The following MAML3 variants were observed in gnomAD, a reference collection of about 807,000 sequenced individuals.
MAML3 encodes the protein mastermind like transcriptional coactivator 3.
Under a neutral mutation model 101.9 loss-of-function variants are expected in MAML3, and 27 were observed. The observed-to-expected ratio is 0.27, with a 90% CI of 0.20 to 0.37. The LOEUF is 0.37. Ranked by LOEUF, MAML3 falls within the 10% of genes least tolerant of loss-of-function variation. The probability of loss-of-function intolerance (pLI) is 1.00; values close to 1 mark genes in which losing one functional copy is unlikely to be tolerated. For missense variants in MAML3, 1,316 were observed against 1,444.9 expected (o/e 0.91, Z 1.45); for synonymous variants, 501 against 555.9 (o/e 0.90, Z 1.39).
chr4:139,869,501 G>C (rs1426724226), intron 2 of MAML3, among the ~76,000 whole-genome samples: 1 of 152,182 alleles, frequency 6.6e-6, no homozygotes, highest in Non-Finnish European at 1.5e-5. Context: ...AGCTGGATAA[G>C]AGCTAAATAA....
In MAML3 at chr4:139,968,094, C is replaced by A. The variant is rs557792418; in HGVS notation, c.469-77127G>T. 2.6e-5 allele frequency among the ~76,000 whole-genome samples: 4 copies of A among 151,894 alleles called. No homozygotes were observed. In the East Asian group the frequency reaches 7.8e-4, roughly 29 times the overall value. Reference sequence around the variant, plus strand: ...AGGAGTTCGAGACCAGCCTGGCCAGCATGGTGAAACCCAGTCTCTACTAAA... The same window carrying A: ...AGGAGTTCGAGACCAGCCTGGCCAGAATGGTGAAACCCAGTCTCTACTAAA... On this transcript the variant is annotated intron_variant, in intron 1 of 4. Transcript: ENST00000509479.
Position 139,719,494 on chromosome 4 carries a change from T to G in MAML3, c.3246A>C (p.Gln1082His). 1 of 1,614,008 alleles carries G rather than the reference T, an allele frequency of 6.2e-7. No individual in the cohort carries two copies. The highest frequency in any genetic ancestry group is 8.5e-7 in the Non-Finnish European group (1 of 1,179,882). The change falls in exon 5 of 5, where the codon CAA becomes CAC. Residue 1082 changes from glutamine (Q) to histidine (H), a missense_variant. Coordinates refer to ENST00000509479, the MANE Select transcript of MAML3 (RefSeq NM_018717.5). ...CCTGAGGGGCATTCCGCTCATAGGC[T>G]TGGCTCTGGCTGCTTGGAGCAAAGC... is the stretch of plus-strand genomic sequence containing the variant. The part of the protein sequence containing the change: ...SGSFAPSSQS[Q>H]AYERNAPQDV...
intron 2 of MAML3, among the ~76,000 whole-genome samples, chr4:139,835,944 A>C (rs1731249312): frequency 6.6e-6 from 1 of 152,216 alleles, no homozygotes; most frequent in Admixed American, 6.5e-5. Flanking sequence ...AGACTCAGGA[A>C]TACATTTTGA....
At chr4:140,125,882 G>A (rs770572444) in intron 1 of MAML3, among the ~76,000 whole-genome samples, 3 of 152,072 alleles carry the variant, frequency 2.0e-5, no homozygotes, top group Admixed American at 6.5e-5. Flanking sequence ...GGATTCAAGC[G>A]ATTCTCCTGC....
chr4:140,004,471 GC>G (rs1726408237), intron 1 of MAML3, among the ~76,000 whole-genome samples: 1 of 152,158 alleles, frequency 6.6e-6, no homozygotes, highest in African/African-American at 2.4e-5. Flanking sequence ...CTCCTTCTGA[GC>G]GTCTACTTCA....
At chr4:139,951,873 G>C (rs751955646) in intron 1 of MAML3, among the ~76,000 whole-genome samples, 1 of 151,968 alleles carries the variant, frequency 6.6e-6, no homozygotes, top group Non-Finnish European at 1.5e-5. Flanking sequence ...AGCTTACGAA[G>C]GGCTATTAGG....
chr4:139,818,267 C>G (rs1001735938), intron 2 of MAML3, among the ~76,000 whole-genome samples: 6 of 152,196 alleles, frequency 3.9e-5, no homozygotes, highest in African/African-American at 7.2e-5. Flanking sequence ...GCTGTCTACA[C>G]ATTTCCTTCA....
At chr4:140,129,408 C>A (rs77761673) in intron 1 of MAML3, among the ~76,000 whole-genome samples, 4,284 of 152,230 alleles carry the variant, frequency 0.028, 205 homozygotes, top group African/African-American at 0.098. Flanking sequence ...CTTATGCATA[C>A]CTTCTTTGCA....
intron 1 of MAML3, among the ~76,000 whole-genome samples, chr4:139,993,478 C>CTT (rs1262225796): frequency 6.6e-6 from 1 of 150,466 alleles, no homozygotes; most frequent in East Asian, 1.9e-4. Flanking sequence ...CTTTTCTTTT[C>CTT]TTTTCTTTTT....
chr4:139,853,827 T>TA (rs200683209), intron 2 of MAML3, among the ~76,000 whole-genome samples: 12 of 151,392 alleles, frequency 7.9e-5, no homozygotes, highest in African/African-American at 1.2e-4. Context: ...TATTTTATTT[T>TA]TATTTTTTTT....
intron 3 of MAML3, among the ~76,000 whole-genome samples, chr4:139,727,124 C>G (rs1427227986): frequency 6.6e-6 from 1 of 152,164 alleles, no homozygotes; most frequent in Non-Finnish European, 1.5e-5. Flanking sequence ...TGTGTTTGTT[C>G]CTGGGCTGCT....
intron 2 of MAML3, among the ~76,000 whole-genome samples, chr4:139,870,395 T>C (rs1042230154): frequency 1.3e-5 from 2 of 151,960 alleles, no homozygotes; most frequent in Admixed American, 1.3e-4. Context: ...ACATCTGAGG[T>C]TGAGAACCAC....
At chr4:139,772,724 GAGTC>G (rs745698913) in intron 2 of MAML3, among the ~76,000 whole-genome samples, 2 of 152,098 alleles carry the variant, frequency 1.3e-5, no homozygotes, top group African/African-American at 2.4e-5. Context: ...GACGTAAAAT[GAGTC>G]AGTCAATGTT....
At chr4:139,926,754 C>T (rs1250332065) in intron 1 of MAML3, among the ~76,000 whole-genome samples, 2 of 152,222 alleles carry the variant, frequency 1.3e-5, no homozygotes, top group African/African-American at 4.8e-5. Context: ...ACACCACTTC[C>T]CTCAAGGTTA....
intron 1 of MAML3, among the ~76,000 whole-genome samples, chr4:140,126,592 GTTC>G (rs776858280): frequency 3.3e-5 from 5 of 152,074 alleles, no homozygotes; most frequent in East Asian, 1.9e-4. Context: ...TCCTGCCATT[GTTC>G]TTCTCTTTTC....
chr4:139,733,082 T>G (rs1728790093), intron 2 of MAML3, among the ~76,000 whole-genome samples: 1 of 152,214 alleles, frequency 6.6e-6, no homozygotes, highest in African/African-American at 2.4e-5. Context: ...TTCCAAGCCC[T>G]TCCTTCCAGT....
At chr4:140,062,392 C>T (rs1340316129) in intron 1 of MAML3, among the ~76,000 whole-genome samples, 1 of 152,040 alleles carries the variant, frequency 6.6e-6, no homozygotes, top group African/African-American at 2.4e-5. Context: ...GTACTCAGAC[C>T]CCTCCCAGAC....
At chr4:139,741,130 T>C (rs1037242962) in intron 2 of MAML3, among the ~76,000 whole-genome samples, 4 of 152,070 alleles carry the variant, frequency 2.6e-5, no homozygotes, top group African/African-American at 9.7e-5. Flanking sequence ...TGGTGGGGTT[T>C]GAGGAGGCTA....
chr4:139,869,609 G>T (rs746426067), intron 2 of MAML3, among the ~76,000 whole-genome samples: 7 of 152,136 alleles, frequency 4.6e-5, no homozygotes, highest in Non-Finnish European at 1.0e-4. Flanking sequence ...AAATACACCA[G>T]CACCTATGTG....
Sources: allele counts gnomAD v4.1 joint callset (sites outside exome capture counted in the v4.1 genomes callset), GRCh38; gene constraint gnomAD v4.1.1; transcripts MANE v1.5; gene names NCBI Gene and HGNC (gene_info 2026-07-23, HGNC 2026-07-21).